Variants in ZNF791 observed in about 807,000 individuals in gnomAD.
ZNF791 encodes the protein zinc finger protein 791.
Under a neutral mutation model 11.5 loss-of-function variants are expected in ZNF791, and 4 were observed. The observed-to-expected ratio is 0.35, with a 90% confidence interval of 0.17 to 0.80. The LOEUF is 0.80. Ranked by LOEUF, ZNF791 falls within the 30% of genes least tolerant of loss-of-function variation. The pLI is 0.53. For missense variants in ZNF791, 559 were observed against 699.4 expected (o/e 0.80, Z 2.26); for synonymous variants, 212 against 228.1 (o/e 0.93, Z 0.64).
rs977647609 is a variant in ZNF791 at position 12,629,943 on chromosome 19, A to T, written c.*683A>T. 6.6e-6 allele frequency: 1 copy of T among 151,808 alleles called. No individual in the cohort carries two copies. The highest frequency in any genetic ancestry group is 1.5e-5 in the Non-Finnish European group (1 of 67,996). The allele number at this position is 151,808 out of a possible 1,614,324, so 9.4% of individuals were successfully genotyped here. A position where few individuals can be genotyped will look rare whatever the true frequency, so the allele number is the denominator to read the frequency against. On this transcript the variant is annotated 3_prime_UTR_variant, in exon 4 of 4. Transcript: ENST00000343325. ...CCCAACACTGGGAGACTAAGGCAGTAGGATTGCTTGATGCCAGGACTACTC... is the reference window on the plus strand; with the variant it reads ...CCCAACACTGGGAGACTAAGGCAGTTGGATTGCTTGATGCCAGGACTACTC...
rs1339276705 is a variant in ZNF791, at chr19:12,632,723, AG to A, written c.*3464del. 1.3e-5 allele frequency: 2 copies of A among 152,186 alleles called. No individual in the cohort carries two copies. The highest frequency in any genetic ancestry group is 4.8e-5 in the African/African-American group (2 of 41,440). 9.4% of individuals were successfully genotyped at this position (152,186 alleles called of 1,614,324 possible). A position where few individuals can be genotyped will look rare whatever the true frequency, so the allele number is the denominator to read the frequency against. ...CTTGAACCTGGAAGTCAGAGGTTGC[AG>A]TGAGCCAAGATCACACCACTGCACT... On this transcript the variant is annotated 3_prime_UTR_variant, in exon 4 of 4. Transcript: ENST00000343325.
chr19:12,625,797 A>AAAG (rs537743660), intron 3 of ZNF791, among the ~76,000 whole-genome samples: 4 of 150,470 alleles, frequency 2.7e-5, no homozygotes, highest in African/African-American at 9.7e-5. Flanking sequence ...AAAAAAAAAA[A>AAAG]AAGAAGAAGA....
chr19:12,627,663 A>G, intron 3 of ZNF791, 58 bp from the exon 4 acceptor site: 1 of 1,409,586 alleles, frequency 7.1e-7, no homozygotes. Flanking sequence ...ACTACCCGAT[A>G]ATACATATAA....
At chr19:12,620,050 A>T (rs2023314845) in intron 1 of ZNF791, among the ~76,000 whole-genome samples, 1 of 151,684 alleles carries the variant, frequency 6.6e-6, no homozygotes, top group African/African-American at 2.4e-5. Flanking sequence ...CAGCCTCCCG[A>T]GTAGCTGGGA....
At position 12,611,448 on chromosome 19, in the gene ZNF791, T is replaced by C. The variant is rs538221136; in HGVS notation, c.3+366T>C. ...GTTGGAAGCAGAGTCTCAAATCCAC[T>C]ACCCTGTCCCCCCAGCCTAGCTCCT... On this transcript the variant is annotated intron_variant, in intron 1 of 3. Transcript: ENST00000343325. 3.9e-5 allele frequency among the ~76,000 whole-genome samples: 6 copies of C among 152,148 alleles called. No individual in the cohort carries two copies. The South Asian group carries it at 1.2e-3, about 32-fold the overall frequency.
intron 1 of ZNF791, among the ~76,000 whole-genome samples, chr19:12,615,910 G>A (rs1327953472): frequency 6.6e-6 from 1 of 151,950 alleles, no homozygotes. Flanking sequence ...GCAGGTTTTT[G>A]TATGAACAGT....
chr19:12,628,811 C>A lies in ZNF791; in HGVS notation c.1282C>A (p.Arg428=), dbSNP rs752401192. ...AKTFISLENF[R]RHMITHTGDG... is the part of the protein sequence containing the mutation. Reference sequence around the variant, plus strand: ...AACCTTCATTTCTCTTGAGAACTTTCGAAGACACATGATCACCCACACTGG... The same window carrying A: ...AACCTTCATTTCTCTTGAGAACTTTAGAAGACACATGATCACCCACACTGG... The change falls in exon 4 of 4, where the codon CGA becomes AGA. Residue 428 remains arginine (R), a synonymous_variant. Coordinates refer to ENST00000343325, the MANE Select transcript of ZNF791 (RefSeq NM_153358.3). 1 of 1,614,046 alleles carries A rather than the reference C, an allele frequency of 6.2e-7. No homozygotes were observed. The highest frequency in any genetic ancestry group is 2.2e-5 in the East Asian group (1 of 44,870).
chr19:12,616,396 C>T (rs776946094), intron 1 of ZNF791, among the ~76,000 whole-genome samples: 7 of 152,122 alleles, frequency 4.6e-5, no homozygotes, highest in Non-Finnish European at 1.0e-4. Context: ...ATTATAAGCC[C>T]AGCATGGGCA....
At position 12,633,213 on chromosome 19, in the gene ZNF791, A is replaced by G. The variant is rs2023521112; in HGVS notation, c.*3953A>G. 1 of 152,044 alleles carries G rather than the reference A, an allele frequency of 6.6e-6. No homozygotes were observed. Among genetic ancestry groups the G allele is most frequent in the African/African-American group, 2.4e-5 (1 of 41,420 alleles). The allele number at this position is 152,044 out of a possible 1,614,324, so 9.4% of individuals were successfully genotyped here. On this transcript the variant is annotated 3_prime_UTR_variant, in exon 4 of 4. Transcript: ENST00000343325. ...AAGTTTATCATATATTCTTATGCGA[A>G]TTATTATTTTCGCCTTTTTTTTATA...
chr19:12,616,156 T>A (rs2023242700), intron 1 of ZNF791, among the ~76,000 whole-genome samples: 1 of 152,240 alleles, frequency 6.6e-6, no homozygotes. Flanking sequence ...TCAGTTTTAT[T>A]TGCAGCTCCT....
At chr19:12,623,074 CTT>C (rs1263279727) in intron 1 of ZNF791, among the ~76,000 whole-genome samples, 3 of 152,004 alleles carry the variant, frequency 2.0e-5, no homozygotes, top group African/African-American at 4.8e-5. Flanking sequence ...GACCCTGTCT[CTT>C]AGAAAACAAC....
chr19:12,626,832 C>T (rs1465385601), intron 3 of ZNF791, among the ~76,000 whole-genome samples: 1 of 151,390 alleles, frequency 6.6e-6, no homozygotes, highest in Non-Finnish European at 1.5e-5. Flanking sequence ...GTCTTGATCT[C>T]CTGACCTCAT....
chr19:12,616,145 T>TGTATA (rs2023242601), intron 1 of ZNF791, among the ~76,000 whole-genome samples: 1 of 152,210 alleles, frequency 6.6e-6, no homozygotes. Flanking sequence ...GTGATATCTC[T>TGTATA]TCAGTTTTAT....
At position 12,628,589 on chromosome 19, in the gene ZNF791, A is replaced by G. The variant is rs2023461391; in HGVS notation, c.1060A>G (p.Lys354Glu). 6.3e-7 allele frequency: 1 copy of G among 1,599,206 alleles called. No individual in the cohort carries two copies. The highest frequency in any genetic ancestry group is 1.8e-5 in the Admixed American group (1 of 56,634). Reference protein sequence around the residue: ...RVHVRVHTGEKPYKCKECGKA... With the variant: ...RVHVRVHTGEEPYKCKECGKA... ...ACACGTGAGAGTGCATACTGGAGAG[A>G]AACCCTATAAGTGTAAAGAATGTGG... Residue 354 changes from lysine (K) to glutamate (E), a missense_variant, in exon 4 of 4, where the codon AAA (lysine) becomes GAA (glutamate). By Grantham distance (56) the Lys-to-Glu change is moderately conservative. Transcript: ENST00000343325.
intron 1 of ZNF791, among the ~76,000 whole-genome samples, chr19:12,612,598 C>T (rs922990340): frequency 8.7e-5 from 13 of 148,806 alleles, no homozygotes; most frequent in Admixed American, 4.0e-4. Flanking sequence ...CAAGCTACCA[C>T]GCCCAGCTAA....
In ZNF791 at chr19:12,628,037, A is replaced by G. The variant is rs1334643524; in HGVS notation, c.508A>G (p.Ile170Val). The G allele has an allele frequency of 6.2e-7, 1 of 1,613,140 alleles. No homozygotes were observed. Among genetic ancestry groups the G allele is most frequent in the Non-Finnish European group, 8.5e-7 (1 of 1,179,618 alleles). ...ATGTAAACAATGTGGAAAAACCTTC[A>G]TATATCACCAGCCCTTTCAAAGACA... ...YKCKQCGKTF[I>V]YHQPFQRHER... The change falls in exon 4 of 4, where the codon ATA (isoleucine) becomes GTA (valine). Residue 170 changes from isoleucine (I) to valine (V), a missense_variant. Ile to Val is a conservative substitution (Grantham distance 29). Transcript: ENST00000343325.
intron 1 of ZNF791, 107 bp downstream of exon 1, chr19:12,611,189 T>C (rs2023150203): frequency 1.4e-6 from 2 of 1,463,060 alleles, no homozygotes; most frequent in African/African-American, 1.4e-5. Flanking sequence ...CAGCTGGAAC[T>C]CCAAGCGTCC....
At chr19:12,623,488 A>G in intron 1 of ZNF791, 2 of 556,268 alleles carry the variant, frequency 3.6e-6, no homozygotes, top group Non-Finnish European at 3.1e-6. Context: ...GTTGAACTAG[A>G]TACTACCATT....
intron 1 of ZNF791, among the ~76,000 whole-genome samples, chr19:12,620,751 GTTCTTTT>G (rs1205994472): frequency 5.6e-5 from 4 of 71,624 alleles, no homozygotes; most frequent in African/African-American, 2.5e-4. Flanking sequence ...GGGGATTTAT[GTTCTTTT>G]TTTTTTTTTT....
Sources: gnomAD v4.1 joint callset for allele counts (sites outside exome capture counted in the v4.1 genomes callset) on GRCh38, gnomAD v4.1.1 for gene constraint, MANE v1.5 for transcripts, NCBI Gene and HGNC (gene_info 2026-07-23, HGNC 2026-07-21) for gene names.